SLX4IP: variants seen among roughly 807,000 people sequenced by gnomAD.
The protein encoded by SLX4IP is SLX4 interacting protein, also known as protein SLX4IP.
Under a neutral mutation model 32.9 loss-of-function variants are expected in SLX4IP, and 34 were observed. The observed-to-expected ratio is 1.03, with a 90% CI of 0.79 to 1.38. The LOEUF is 1.38. Among genes scored for constraint, SLX4IP ranks in the 40% most tolerant of loss-of-function variants. The pLI is 0.00. For synonymous variants in SLX4IP, 172 were observed against 171.7 expected (o/e 1.00, Z -0.01); for missense variants, 444 against 479.0 (o/e 0.93, Z 0.68).
At chr20:10,530,769 C>G (rs942400605) in intron 2 of SLX4IP, among the ~76,000 whole-genome samples, 1 of 151,862 alleles carries the variant, frequency 6.6e-6, no homozygotes, top group African/African-American at 2.4e-5. Flanking sequence ...TGAAACAAAT[C>G]TTTAAAAAGG....
intron 2 of SLX4IP, among the ~76,000 whole-genome samples, chr20:10,494,028 T>C (rs1420474170): frequency 6.6e-6 from 1 of 151,982 alleles, no homozygotes; most frequent in Non-Finnish European, 1.5e-5. Context: ...TTTATTGAGA[T>C]GATCGTATTT....
At chr20:10,562,174 G>A (rs2122504050) in intron 4 of SLX4IP, among the ~76,000 whole-genome samples, 1 of 152,318 alleles carries the variant, frequency 6.6e-6, no homozygotes, top group South Asian at 2.1e-4. Context: ...TAGGCCCTCT[G>A]CCTTATCTCA....
At chr20:10,506,125 C>A (rs1029404995) in intron 2 of SLX4IP, among the ~76,000 whole-genome samples, 1 of 152,168 alleles carries the variant, frequency 6.6e-6, no homozygotes, top group East Asian at 1.9e-4. Context: ...TTCTTTGGCT[C>A]TGAGGAGCAA....
intron 2 of SLX4IP, among the ~76,000 whole-genome samples, chr20:10,476,152 G>GTT (rs148677877): frequency 6.6e-6 from 1 of 152,018 alleles, no homozygotes; most frequent in Admixed American, 6.6e-5. Flanking sequence ...CTGTGTGTGT[G>GTT]TGTGTATATA....
At chr20:10,534,864 A>G (rs1279507178) in intron 2 of SLX4IP, among the ~76,000 whole-genome samples, 1 of 152,228 alleles carries the variant, frequency 6.6e-6, no homozygotes, top group East Asian at 1.9e-4. Flanking sequence ...ATGAAAATCA[A>G]GATAATTTTT....
chr20:10,542,392 T>C (rs2066117332), intron 2 of SLX4IP, among the ~76,000 whole-genome samples: 1 of 152,218 alleles, frequency 6.6e-6, no homozygotes, highest in Non-Finnish European at 1.5e-5. Flanking sequence ...AACTAAGGAT[T>C]ATTCTTCCAC....
intron 6 of SLX4IP, among the ~76,000 whole-genome samples, chr20:10,621,066 T>G (rs1195042362): frequency 6.6e-6 from 1 of 152,208 alleles, no homozygotes; most frequent in Non-Finnish European, 1.5e-5. Flanking sequence ...GGAATCAACA[T>G]TATTTGCCTT....
Position 10,623,575 on chromosome 20 carries a change from C to A in SLX4IP, c.*196C>A. 1.4e-6 allele frequency: 1 copy of A among 721,128 alleles called. No individual in the cohort carries two copies. The highest frequency in any genetic ancestry group is 2.2e-6 in the Non-Finnish European group (1 of 458,958). 44.7% of individuals were successfully genotyped at this position (721,128 alleles called of 1,614,324 possible). A position where few individuals can be genotyped will look rare whatever the true frequency, so the allele number is the denominator to read the frequency against. On this transcript the variant is annotated 3_prime_UTR_variant, in exon 8 of 8. Coordinates refer to ENST00000334534, the MANE Select transcript of SLX4IP (RefSeq NM_001009608.3). ...CCGGGAGGCTATATGCTTGTTCTAACAGCGTTGCTTCTTTATCATTGTATT... is the reference window on the plus strand; with the variant it reads ...CCGGGAGGCTATATGCTTGTTCTAAAAGCGTTGCTTCTTTATCATTGTATT...
rs763332138 is a variant in SLX4IP, at chr20:10,598,754, T to C, written c.316+2T>C. On this transcript the variant is annotated splice_donor_variant, in intron 5 of 7. Transcript: ENST00000334534. LOFTEE classifies it high-confidence loss of function. The stretch of plus-strand genomic sequence containing the variant: ...GCATCAGGAGCACACAGAATGCTGG[T>C]AAGAAGCCGATTTCTTGGTTTGTCA... 1 of 1,613,940 alleles carries C rather than the reference T, an allele frequency of 6.2e-7. No homozygotes were observed. The highest frequency in any genetic ancestry group is 8.5e-7 in the Non-Finnish European group (1 of 1,179,816).
chr20:10,462,210 G>T (rs183072538), intron 2 of SLX4IP, among the ~76,000 whole-genome samples: 181 of 152,244 alleles, frequency 1.2e-3, no homozygotes, highest in Non-Finnish European at 1.8e-4. Flanking sequence ...TAGAGTTTCA[G>T]TCTTGATATG....
intron 6 of SLX4IP, among the ~76,000 whole-genome samples, chr20:10,608,621 C>T (rs2066931522): frequency 6.7e-6 from 1 of 148,604 alleles, no homozygotes; most frequent in Admixed American, 6.9e-5. Context: ...TTGCAGTGAG[C>T]CGAGATTGCA....
chr20:10,565,746 T>G (rs2066385423), intron 4 of SLX4IP, among the ~76,000 whole-genome samples: 2 of 152,314 alleles, frequency 1.3e-5, no homozygotes, highest in South Asian at 4.1e-4. Context: ...TTCCATGAGC[T>G]TCTAATCAGT....
intron 2 of SLX4IP, among the ~76,000 whole-genome samples, chr20:10,554,421 C>A (rs1195801127): frequency 6.6e-6 from 1 of 152,178 alleles, no homozygotes; most frequent in Non-Finnish European, 1.5e-5. Flanking sequence ...TTTGTGTGCA[C>A]ATATACTTCA....
At chr20:10,548,067 C>T in intron 2 of SLX4IP, among the ~76,000 whole-genome samples, 1 of 152,078 alleles carries the variant, frequency 6.6e-6, no homozygotes, top group South Asian at 2.1e-4. Context: ...AGGGAAGGCA[C>T]CTTGAAGGCA....
chr20:10,614,523 G>A (rs1279380628), intron 6 of SLX4IP, among the ~76,000 whole-genome samples: 1 of 152,142 alleles, frequency 6.6e-6, no homozygotes, highest in East Asian at 1.9e-4. Flanking sequence ...CCAGTAACCT[G>A]ATGACATGGC....
At chr20:10,521,964 A>T (rs2065903953) in intron 2 of SLX4IP, among the ~76,000 whole-genome samples, 1 of 152,158 alleles carries the variant, frequency 6.6e-6, no homozygotes, top group South Asian at 2.1e-4. Context: ...ATTAGTAGAG[A>T]TCTGAAGTAT....
rs1004666573 is a variant in SLX4IP at position 10,455,603 on chromosome 20, A to ATTTTT, written c.-29-2570_-29-2569insTTTTT. On this transcript the variant is annotated intron_variant, in intron 1 of 7. Coordinates refer to ENST00000334534, the MANE Select transcript of SLX4IP (RefSeq NM_001009608.3). ...CTTTTATTTATTTATTTATTTATTTATTTATTTATTTATTTATTTATTTTG... is the reference window on the plus strand; with the variant it reads ...CTTTTATTTATTTATTTATTTATTTATTTTTTTTATTTATTTATTTATTTATTTTG... 6.1e-5 allele frequency among the ~76,000 whole-genome samples: 9 copies of ATTTTT among 148,176 alleles called. 1 individual carries two copies. Among genetic ancestry groups the ATTTTT allele is most frequent in the African/African-American group, 2.3e-4 (9 of 39,516 alleles).
At chr20:10,436,990 T>C (rs184727124) in intron 1 of SLX4IP, among the ~76,000 whole-genome samples, 2 of 152,148 alleles carry the variant, frequency 1.3e-5, no homozygotes, top group East Asian at 3.9e-4. Flanking sequence ...TTTGTACTTT[T>C]AATTTGTTAA....
intron 1 of SLX4IP, among the ~76,000 whole-genome samples, chr20:10,446,136 G>A (rs551086145): frequency 3.6e-4 from 55 of 151,844 alleles, no homozygotes; most frequent in African/African-American, 1.2e-3. Context: ...TATGATGGCC[G>A]GATGCGGTGG....
Sources: gnomAD v4.1 joint callset for allele counts (sites outside exome capture counted in the v4.1 genomes callset) on GRCh38, gnomAD v4.1.1 for gene constraint, MANE v1.5 for transcripts, NCBI Gene and HGNC (gene_info 2026-07-23, HGNC 2026-07-21) for gene names.